The following VPS13D variants were observed in gnomAD, a reference collection of about 807,000 sequenced individuals.
The protein encoded by VPS13D is intermembrane lipid transfer protein VPS13D.
In VPS13D, 187 loss-of-function variants were observed where a neutral mutation model predicts 461.9. That is an observed-to-expected ratio of 0.40 (90% CI 0.36 to 0.46). The LOEUF (loss-of-function observed/expected upper bound fraction) is 0.46, where lower values mean the gene tolerates loss of function less well. Ranked by LOEUF, VPS13D falls within the 20% of genes least tolerant of loss-of-function variation. The pLI is 0.60. For missense variants in VPS13D, 4,711 were observed against 5,364.9 expected (o/e 0.88, Z 3.81); for synonymous variants, 1,951 against 1,986.3 (o/e 0.98, Z 0.47).
At chr1:12,253,944 C>G in intron 7 of VPS13D, 118 bp downstream of exon 7, 2 of 743,004 alleles carry the variant, frequency 2.7e-6, no homozygotes, top group East Asian at 5.2e-5. Context: ...CCCACTGTTC[C>G]TCTAAAGCCA....
intron 26 of VPS13D, among the ~76,000 whole-genome samples, chr1:12,306,504 T>C (rs774349543): frequency 6.6e-6 from 1 of 152,216 alleles, no homozygotes; most frequent in Non-Finnish European, 1.5e-5. Flanking sequence ...GTCTTACATA[T>C]GTATTGGTGG....
At chr1:12,265,427 C>T (rs1056727923) in intron 13 of VPS13D, among the ~76,000 whole-genome samples, 1 of 152,104 alleles carries the variant, frequency 6.6e-6, no homozygotes, top group Admixed American at 6.5e-5. Flanking sequence ...TGTGAGTTAC[C>T]ACTCCCAGCC....
chr1:12,366,335 T>C (rs1644034181), intron 52 of VPS13D, among the ~76,000 whole-genome samples: 1 of 152,230 alleles, frequency 6.6e-6, no homozygotes, highest in Non-Finnish European at 1.5e-5. Flanking sequence ...TTTTAGGCTA[T>C]GTTTTTAGGA....
At chr1:12,417,129 C>T (rs1644804268) in intron 65 of VPS13D, among the ~76,000 whole-genome samples, 1 of 152,188 alleles carries the variant, frequency 6.6e-6, no homozygotes, top group African/African-American at 2.4e-5. Flanking sequence ...GACCCCTACA[C>T]CTTTCACTGT....
intron 48 of VPS13D, 56 bp from the exon 49 acceptor site, chr1:12,356,342 A>G: frequency 1.9e-6 from 3 of 1,558,154 alleles, no homozygotes; most frequent in African/African-American, 1.4e-5. Flanking sequence ...CACCATTTGC[A>G]TCTCTTTCAG....
At chr1:12,287,771 C>T (rs184257149) in intron 21 of VPS13D, among the ~76,000 whole-genome samples, 137 of 152,180 alleles carry the variant, frequency 9.0e-4, no homozygotes, top group East Asian at 3.5e-3. Context: ...GGTGAAGTCT[C>T]AGTTGGTTAA....
At chr1:12,453,060 A>C (rs1645283320) in intron 65 of VPS13D, among the ~76,000 whole-genome samples, 1 of 152,156 alleles carries the variant, frequency 6.6e-6, no homozygotes. Flanking sequence ...AGGTCATCTC[A>C]TCCCATCCTC....
At chr1:12,398,326 G>A (rs1248379675) in intron 60 of VPS13D, among the ~76,000 whole-genome samples, 1 of 151,950 alleles carries the variant, frequency 6.6e-6, no homozygotes, top group Non-Finnish European at 1.5e-5. Flanking sequence ...CCACTTACAA[G>A]CTGTGCGAAT....
chr1:12,497,668 A>G, intron 68 of VPS13D, 37 bp downstream of exon 68: 4 of 1,589,650 alleles, frequency 2.5e-6, no homozygotes, highest in Non-Finnish European at 3.4e-6. Context: ...CTGTGGGTCT[A>G]CTGAGTTGCC....
At chr1:12,434,681 A>G (rs1195723001) in intron 65 of VPS13D, among the ~76,000 whole-genome samples, 4 of 152,132 alleles carry the variant, frequency 2.6e-5, no homozygotes, top group Non-Finnish European at 4.4e-5. Context: ...CAGCCTGATA[A>G]TGATACATTT....
Position 12,311,810 on chromosome 1 carries a change from T to A in VPS13D, c.6823-3T>A. 6.2e-7 allele frequency: 1 copy of A among 1,612,626 alleles called. No individual in the cohort carries two copies. Among genetic ancestry groups the A allele is most frequent in the Non-Finnish European group, 8.5e-7 (1 of 1,179,184 alleles). On this transcript the variant is annotated splice_polypyrimidine_tract_variant and splice_region_variant and intron_variant, in intron 28 of 69. Transcript: ENST00000620676. ...TGGATTGACGAGCATTTTCCTTTTGTAGACTGTCCTGAGTGGAGAAGTGTA... is the reference window on the plus strand; with the variant it reads ...TGGATTGACGAGCATTTTCCTTTTGAAGACTGTCCTGAGTGGAGAAGTGTA...
rs560759574 is a variant in VPS13D at position 12,258,036 on chromosome 1, A to G, written c.1043A>G (p.Asp348Gly). 2.3e-5 allele frequency: 37 copies of G among 1,614,242 alleles called. No homozygotes were observed. The Middle Eastern group carries it at 4.9e-4, about 22-fold the overall frequency. The change falls in exon 10 of 70, where the codon GAT becomes GGT. Residue 348 changes from aspartate (D) to glycine (G), a missense_variant. Physicochemically the swap from Asp to Gly is moderately conservative, Grantham distance 94. Coordinates refer to ENST00000620676, the MANE Select transcript of VPS13D (RefSeq NM_015378.4). ...TWDFMLHRAR[D>G]AVSYTDKYFN... ...GACTTTATGTTGCACCGCGCTCGTG[A>G]TGCTGTATCTTACACTGACAAATAT... is the stretch of plus-strand genomic sequence containing the variant.
Position 12,480,187 on chromosome 1 carries a change from A to G in VPS13D, c.12663-17313A>G, listed in dbSNP as rs151101268. Reference sequence around the variant, plus strand: ...TCACAGTGTGCCAGTTTGTCACAGAATAGCAGTGACACTTCTCTGCTGCAA... The same window carrying G: ...TCACAGTGTGCCAGTTTGTCACAGAGTAGCAGTGACACTTCTCTGCTGCAA... On this transcript the variant is annotated intron_variant, in intron 67 of 69. Coordinates refer to ENST00000620676, the MANE Select transcript of VPS13D (RefSeq NM_015378.4). Among the ~76,000 whole-genome samples the G allele has an allele frequency of 1.9e-3, 287 of 152,326 alleles. 4 individuals carry two copies. The highest frequency in any genetic ancestry group is 6.7e-3 in the African/African-American group (278 of 41,574).
intron 2 of VPS13D, among the ~76,000 whole-genome samples, chr1:12,238,011 CG>C (rs1398704426): frequency 6.6e-6 from 1 of 151,616 alleles, no homozygotes; most frequent in Non-Finnish European, 1.5e-5. Flanking sequence ...TAAAAGTTAG[CG>C]GGGGTGGTGG....
At chr1:12,466,255 G>C (rs76465755) in intron 67 of VPS13D, among the ~76,000 whole-genome samples, 2,078 of 152,192 alleles carry the variant, frequency 0.014, 51 homozygotes, top group African/African-American at 0.047. Context: ...TCTTATACTT[G>C]GTATTACACA....
At chr1:12,386,969 A>G (rs1644358179) in intron 60 of VPS13D, among the ~76,000 whole-genome samples, 1 of 152,178 alleles carries the variant, frequency 6.6e-6, no homozygotes, top group Non-Finnish European at 1.5e-5. Flanking sequence ...TAGTTATAGG[A>G]TGGTACACTT....
chr1:12,332,765 A>G (rs764934037), intron 37 of VPS13D, among the ~76,000 whole-genome samples: 15 of 152,198 alleles, frequency 9.9e-5, no homozygotes, highest in Non-Finnish European at 2.1e-4. Context: ...GTTTTTGTGC[A>G]TATTTTAAGA....
chr1:12,283,700 A>C lies in VPS13D; in HGVS notation c.5598A>C (p.Gly1866=), dbSNP rs771938239. ...AGCCACATGCCTCCATGGAGTCTGG[A>C]CTTCAGGATCCAGTGAACACCAAAC... The part of the protein sequence containing the change: ...KLEPHASMES[G]LQDPVNTKLD... Residue 1866 remains glycine, a synonymous_variant, in exon 21 of 70, where the codon GGA becomes GGC. Transcript: ENST00000620676. 1 of 1,614,046 alleles carries C rather than the reference A, an allele frequency of 6.2e-7. No individual in the cohort carries two copies. The highest frequency in any genetic ancestry group is 1.1e-5 in the South Asian group (1 of 91,082).
chr1:12,491,374 G>T (rs1185539682), intron 67 of VPS13D, among the ~76,000 whole-genome samples: 1 of 152,182 alleles, frequency 6.6e-6, no homozygotes, highest in Non-Finnish European at 1.5e-5. Context: ...CTGTGTAGGG[G>T]TATGTGTATG....
Sources: allele counts gnomAD v4.1 joint callset (sites outside exome capture counted in the v4.1 genomes callset), GRCh38; gene constraint gnomAD v4.1.1; transcripts MANE v1.5; gene names NCBI Gene and HGNC (gene_info 2026-07-23, HGNC 2026-07-21).